Variants in TCF15 observed in about 807,000 individuals in gnomAD.
TCF15 encodes TCF-15.
In TCF15, 7 loss-of-function variants were observed where a neutral mutation model predicts 11.1. The ratio of observed to expected loss-of-function variants is 0.63; its 90% CI spans 0.36 to 1.19. The LOEUF is 1.19. TCF15 is among the 50% of genes most tolerant of loss of function. The pLI is 0.02. For synonymous variants in TCF15, 144 were observed against 138.9 expected (o/e 1.04, Z -0.26); for missense variants, 288 against 289.4 (o/e 1.00, Z 0.03).
chr20:610,229 G>T lies in TCF15; in HGVS notation c.9C>A (p.Phe3Leu). 2 of 1,008,662 alleles carry T rather than the reference G, an allele frequency of 2.0e-6. No individual in the cohort carries two copies. Among genetic ancestry groups the T allele is most frequent in the South Asian group, 3.9e-5 (1 of 25,544 alleles). The allele number at this position is 1,008,662 out of a possible 1,614,324, so 62.5% of individuals were successfully genotyped here. A position where few individuals can be genotyped will look rare whatever the true frequency, so the allele number is the denominator to read the frequency against. ...GCGCGCCGACGGGCCGCAGCAGCGC[G>T]AACGCCATGGGCGCCGGCCGCGTCC... MAFALLRPVGAHV... is the reference protein window; with the variant it reads MALALLRPVGAHV... The change falls in exon 1 of 2, where the codon TTC becomes TTA. Residue 3 changes from phenylalanine (F) to leucine (L), a missense_variant. Coordinates refer to ENST00000246080, the MANE Select transcript of TCF15 (RefSeq NM_004609.4).
In TCF15 at chr20:604,629, C is replaced by T. The variant is rs1376264892; in HGVS notation, c.562G>A (p.Val188Met). 1.9e-6 allele frequency: 3 copies of T among 1,554,498 alleles called. No individual in the cohort carries two copies. In the Admixed American group the frequency reaches 5.8e-5, roughly 30 times the overall value. The change falls in exon 2 of 2, where the codon GTG (valine) becomes ATG (methionine). Residue 188 changes from valine (V) to methionine (M), a missense_variant. Transcript: ENST00000246080. This position sits in a 1 kb window ranked among gnomAD's most constrained non-coding sequence, Gnocchi z 4.2. ...CCTCGAAGGGGGGCCACCCCCCTCA[C>T]CTTCAAGCAGCTGCCCCCCAGGTCA... The part of the protein sequence containing the change: ...RRDLGGSCLK[V>M]RGVAPLRGPR...
rs1600448936 is a variant in TCF15, at chr20:604,540, T to C, written c.*51A>G. On this transcript the variant is annotated 3_prime_UTR_variant, in exon 2 of 2. Transcript: ENST00000246080. The surrounding 1 kb of genome is among the most constrained non-coding windows in gnomAD (Gnocchi z 4.2). The stretch of plus-strand genomic sequence containing the variant: ...GTGGGCTTGGCTCCTGGGGTCTTCT[T>C]CCCTGTCCAGCCAGTGGCTGGCTCC... 3 of 1,516,450 alleles carry C rather than the reference T, an allele frequency of 2.0e-6. No individual in the cohort carries two copies. The highest frequency in any genetic ancestry group is 3.9e-5 in the Admixed American group (2 of 50,928). 93.9% of individuals were successfully genotyped at this position (1,516,450 alleles called of 1,614,324 possible). A position where few individuals can be genotyped will look rare whatever the true frequency, so the allele number is the denominator to read the frequency against.
At position 604,571 on chromosome 20, in the gene TCF15, T is replaced by C. The variant is rs1282841590; in HGVS notation, c.*20A>G. The C allele has an allele frequency of 8.4e-6, 13 of 1,549,524 alleles. No individual in the cohort carries two copies. Among genetic ancestry groups the C allele is most frequent in the Non-Finnish European group, 1.1e-5 (13 of 1,145,444 alleles). On this transcript the variant is annotated 3_prime_UTR_variant, in exon 2 of 2. Transcript: ENST00000246080. This position sits in a 1 kb window ranked among gnomAD's most constrained non-coding sequence, Gnocchi z 4.2. ...TCCAGCCAGTGGCTGGCTCCTGGCC[T>C]CCTTCTCCAGGGTCCAGGCTCATCT... is the stretch of plus-strand genomic sequence containing the variant.
In TCF15 at chr20:604,501, T is replaced by C; in HGVS notation, c.*90A>G. 8.0e-7 allele frequency: 1 copy of C among 1,252,534 alleles called. No homozygotes were observed. Among genetic ancestry groups the C allele is most frequent in the Non-Finnish European group, 1.1e-6 (1 of 876,050 alleles). The allele number at this position is 1,252,534 out of a possible 1,614,324, so 77.6% of individuals were successfully genotyped here. On this transcript the variant is annotated 3_prime_UTR_variant, in exon 2 of 2. Transcript: ENST00000246080. The surrounding 1 kb of genome is among the most constrained non-coding windows in gnomAD (Gnocchi z 4.2). ...GAACAGGCCATGGTCCCCCGGTCCC[T>C]ACACAAAGAAGGGGTGGGCTTGGCT...
Position 610,274 on chromosome 20 carries a change from G to C in TCF15, c.-37C>G. ...GCGTCCCTCCGTGCGCCGCGTCCCA[G>C]CGTCGGCCGCGCCCCGCCGTGCGCT... On this transcript the variant is annotated 5_prime_UTR_variant, in exon 1 of 2. Transcript: ENST00000246080. 2 of 988,856 alleles carry C rather than the reference G, an allele frequency of 2.0e-6. No individual in the cohort carries two copies. The highest frequency in any genetic ancestry group is 2.4e-6 in the Non-Finnish European group (2 of 832,974). The allele number at this position is 988,856 out of a possible 1,614,324, so 61.3% of individuals were successfully genotyped here.
At chr20:607,428 T>TAA (rs2019985229) in intron 1 of TCF15, among the ~76,000 whole-genome samples, 1 of 152,156 alleles carries the variant, frequency 6.6e-6, no homozygotes, top group Admixed American at 6.5e-5. Context: ...TCTTGGGTCT[T>TAA]AAAGCTCTTC....
At chr20:608,008 C>G (rs1040331749) in intron 1 of TCF15, among the ~76,000 whole-genome samples, 1 of 152,186 alleles carries the variant, frequency 6.6e-6, no homozygotes, top group Non-Finnish European at 1.5e-5. Flanking sequence ...AACCTCTTCC[C>G]TCTTCCTTCT....
At chr20:608,704 C>CT (rs2019997179) in intron 1 of TCF15, among the ~76,000 whole-genome samples, 1 of 152,230 alleles carries the variant, frequency 6.6e-6, no homozygotes. Context: ...AGTCAGGGGC[C>CT]TAACTCCAAT....
chr20:604,721 GAACT>G lies in TCF15; in HGVS notation c.526-60_526-57del, dbSNP rs972032182. 1.5e-6 allele frequency: 2 copies of G among 1,358,750 alleles called. No homozygotes were observed. Among genetic ancestry groups the G allele is most frequent in the African/African-American group, 2.9e-5 (2 of 68,032 alleles). 84.2% of individuals were successfully genotyped at this position (1,358,750 alleles called of 1,614,324 possible). A position where few individuals can be genotyped will look rare whatever the true frequency, so the allele number is the denominator to read the frequency against. ...TTCGATTAGGCCAGTGTGAACACTGGAACTAACCTCTGTATCCCTCAAGAGGGAT... is the reference window on the plus strand; with the variant it reads ...TTCGATTAGGCCAGTGTGAACACTGGAACCTCTGTATCCCTCAAGAGGGAT... On this transcript the variant is annotated intron_variant, in intron 1 of 1. Transcript: ENST00000246080. This position sits in a 1 kb window ranked among gnomAD's most constrained non-coding sequence, Gnocchi z 4.2.
At chr20:607,391 G>A (rs963084296) in intron 1 of TCF15, among the ~76,000 whole-genome samples, 1 of 152,206 alleles carries the variant, frequency 6.6e-6, no homozygotes, top group African/African-American at 2.4e-5. Flanking sequence ...TGGGAGGGAG[G>A]TGGTGGCTCA....
At chr20:608,566 G>C (rs2019995838) in intron 1 of TCF15, among the ~76,000 whole-genome samples, 2 of 152,342 alleles carry the variant, frequency 1.3e-5, no homozygotes, top group East Asian at 1.9e-4. Context: ...AGGCAGCCAA[G>C]TGTTGAGCAA....
At position 610,058 on chromosome 20, in the gene TCF15, G is replaced by A; in HGVS notation, c.180C>T (p.Gly60=). 1 of 1,065,630 alleles carries A rather than the reference G, an allele frequency of 9.4e-7. No individual in the cohort carries two copies. The highest frequency in any genetic ancestry group is 1.1e-6 in the Non-Finnish European group (1 of 883,552). The allele number at this position is 1,065,630 out of a possible 1,614,324, so 66.0% of individuals were successfully genotyped here. A position where few individuals can be genotyped will look rare whatever the true frequency, so the allele number is the denominator to read the frequency against. The change falls in exon 1 of 2, where the codon GGC becomes GGT. Residue 60 remains glycine, a synonymous_variant. Coordinates refer to ENST00000246080, the MANE Select transcript of TCF15 (RefSeq NM_004609.4). The stretch of plus-strand genomic sequence containing the variant: ...CCACGGGGCCCGCGCCGCCGCCGCC[G>A]CCCGCCCGCCGCCCGCCCCCGGGGC... ...GPGPGGGRRA[G]GGGGAGPVVV...
Position 604,434 on chromosome 20 carries a change from A to C in TCF15, c.*157T>G, listed in dbSNP as rs2019955228. The C allele has an allele frequency of 1.4e-6, 1 of 690,634 alleles. No individual in the cohort carries two copies. Among genetic ancestry groups the C allele is most frequent in the Admixed American group, 2.4e-5 (1 of 41,320 alleles). 42.8% of individuals were successfully genotyped at this position (690,634 alleles called of 1,614,324 possible). ...GAATGGATCCTCACAGCTCTCCAGG[A>C]TCGGGTGGAGATGTCCCGAGGGCCC... is the stretch of plus-strand genomic sequence containing the variant. On this transcript the variant is annotated 3_prime_UTR_variant, in exon 2 of 2. Coordinates refer to ENST00000246080, the MANE Select transcript of TCF15 (RefSeq NM_004609.4). This position sits in a 1 kb window ranked among gnomAD's most constrained non-coding sequence, Gnocchi z 4.2.
intron 1 of TCF15, among the ~76,000 whole-genome samples, chr20:608,966 G>A (rs2019999452): frequency 6.6e-6 from 1 of 152,130 alleles, no homozygotes. Context: ...CCACTTTCTT[G>A]CCCAGGACAC....
At position 609,847 on chromosome 20, in the gene TCF15, CCAG is replaced by C; in HGVS notation, c.388_390del (p.Leu130del). On this transcript the variant is annotated inframe_deletion, in exon 1 of 2. Transcript: ENST00000246080. The surrounding 1 kb of genome is among the most constrained non-coding windows in gnomAD (Gnocchi z 4.7). ...GGCTGCCCGTCGTCGGCCGAGTCGC[CCAG>C]CAGCAGCACGTTGGCCAGGTGCGCG... The C allele has an allele frequency of 2.0e-6, 3 of 1,528,814 alleles. No individual in the cohort carries two copies. The highest frequency in any genetic ancestry group is 1.4e-5 in the African/African-American group (1 of 70,194). The allele number at this position is 1,528,814 out of a possible 1,614,324, so 94.7% of individuals were successfully genotyped here.
chr20:606,819 A>C (rs1312886930), intron 1 of TCF15, among the ~76,000 whole-genome samples: 1 of 146,732 alleles, frequency 6.8e-6, no homozygotes, highest in Admixed American at 6.8e-5. Context: ...CTCCATCGCA[A>C]AAAAAAAAAA....
chr20:604,302 C>A lies in TCF15; in HGVS notation c.*289G>T. ...TATTTTAAACTCACCAATTCTCTCT[C>A]ACACACACTCACACTCACGCACAGA... On this transcript the variant is annotated 3_prime_UTR_variant, in exon 2 of 2. Coordinates refer to ENST00000246080, the MANE Select transcript of TCF15 (RefSeq NM_004609.4). The surrounding 1 kb of genome is among the most constrained non-coding windows in gnomAD (Gnocchi z 4.2). 1.9e-6 allele frequency: 1 copy of A among 514,432 alleles called. No homozygotes were observed. Among genetic ancestry groups the A allele is most frequent in the South Asian group, 2.2e-5 (1 of 45,294 alleles). 31.9% of individuals were successfully genotyped at this position (514,432 alleles called of 1,614,324 possible). A position where few individuals can be genotyped will look rare whatever the true frequency, so the allele number is the denominator to read the frequency against.
At chr20:607,570 G>C (rs1053828107) in intron 1 of TCF15, among the ~76,000 whole-genome samples, 2 of 152,244 alleles carry the variant, frequency 1.3e-5, no homozygotes, top group Admixed American at 6.5e-5. Context: ...GTGGGGTTGA[G>C]AGCATGGTTT....
In TCF15 at chr20:609,127, T is replaced by A. The variant is rs1449172284; in HGVS notation, c.525+586A>T. On this transcript the variant is annotated intron_variant, in intron 1 of 1. Coordinates refer to ENST00000246080, the MANE Select transcript of TCF15 (RefSeq NM_004609.4). This position sits in a 1 kb window ranked among gnomAD's most constrained non-coding sequence, Gnocchi z 4.7. ...GTACCTCAGGCTCTCGGTTGGCGGT[T>A]TGTGGCCTCCTTTCTTCTCAGTCTC... 6.6e-6 allele frequency among the ~76,000 whole-genome samples: 1 copy of A among 152,060 alleles called. No homozygotes were observed. Among genetic ancestry groups the A allele is most frequent in the Non-Finnish European group, 1.5e-5 (1 of 68,004 alleles).
Sources: gnomAD v4.1 joint callset for allele counts (sites outside exome capture counted in the v4.1 genomes callset) on GRCh38, gnomAD v4.1.1 for gene constraint, Gnocchi (gnomAD v3.1) non-coding constraint, MANE v1.5 for transcripts, NCBI Gene and HGNC (gene_info 2026-07-23, HGNC 2026-07-21) for gene names.